AIRIM: variants seen among roughly 807,000 people sequenced by gnomAD.
The protein encoded by AIRIM is AFG2-interacting ribosome maturation factor.
chr1:37,685,535 A>C, the AIRIM span, among the ~76,000 whole-genome samples: 1 of 151,894 alleles, frequency 6.6e-6, no homozygotes, highest in African/African-American at 2.4e-5. Context: ...CTTCAGGCAC[A>C]TACCACCATG....
the AIRIM span, among the ~76,000 whole-genome samples, chr1:37,688,802 CA>C: frequency 6.6e-6 from 1 of 151,852 alleles, no homozygotes; most frequent in East Asian, 1.9e-4. Flanking sequence ...CCTATCTCTA[CA>C]AAAAATTTTA....
At chr1:37,687,110 G>GTGTGTGTA in the AIRIM span, among the ~76,000 whole-genome samples, 2 of 139,602 alleles carry the variant, frequency 1.4e-5, no homozygotes, top group African/African-American at 2.6e-5. Flanking sequence ...GTGTGTGTGT[G>GTGTGTGTA]TATAGTTTTT....
the AIRIM span, chr1:37,690,169 A>T: frequency 0.46 from 531,058 of 1,146,578 alleles, 125,887 homozygotes; most frequent in East Asian, 0.71. Context: ...GGTGCCCGCC[A>T]ACACGCCTGG....
At chr1:37,682,105 C>T in the AIRIM span, 1 of 152,122 alleles carries the variant, frequency 6.6e-6, no homozygotes, top group Non-Finnish European at 1.5e-5. Flanking sequence ...ATCAAAATAT[C>T]TCTAATGAAG....
the AIRIM span, chr1:37,683,295 C>T: frequency 1.9e-6 from 3 of 1,613,624 alleles, no homozygotes; most frequent in African/African-American, 1.3e-5. Flanking sequence ...AGAGGAGACA[C>T]AAAGGAAGAA....
At chr1:37,689,549 T>G in the AIRIM span, 1 of 1,518,942 alleles carries the variant, frequency 6.6e-7, no homozygotes, top group Non-Finnish European at 8.9e-7. Flanking sequence ...TAGCTACATA[T>G]AAAACACCTC....
the AIRIM span, among the ~76,000 whole-genome samples, chr1:37,686,873 G>A: frequency 6.6e-6 from 1 of 151,992 alleles, no homozygotes; most frequent in African/African-American, 2.4e-5. Flanking sequence ...TTTGAGACCA[G>A]CCAATGTCCC....
At chr1:37,683,309 A>C in the AIRIM span, 1 of 1,614,050 alleles carries the variant, frequency 6.2e-7, no homozygotes, top group Non-Finnish European at 8.5e-7. Context: ...GGAAGAACAC[A>C]AACCAGTACC....
the AIRIM span, among the ~76,000 whole-genome samples, chr1:37,685,007 A>T: frequency 1.1e-4 from 17 of 151,616 alleles, no homozygotes; most frequent in Admixed American, 2.0e-4. Flanking sequence ...CAAAAAAAAA[A>T]TTTTTTTGAG....
the AIRIM span, among the ~76,000 whole-genome samples, chr1:37,686,706 A>C: frequency 1.3e-5 from 2 of 152,098 alleles, no homozygotes; most frequent in Admixed American, 1.3e-4. Context: ...TCATAGAAAA[A>C]CCATCTCCAA....
At chr1:37,685,196 G>GC in the AIRIM span, among the ~76,000 whole-genome samples, 2 of 127,966 alleles carry the variant, frequency 1.6e-5, no homozygotes, top group African/African-American at 2.9e-5. Context: ...TTTTTTTGGG[G>GC]GGGGGGGGTG....
At chr1:37,688,726 C>T in the AIRIM span, among the ~76,000 whole-genome samples, 2 of 152,136 alleles carry the variant, frequency 1.3e-5, no homozygotes, top group Non-Finnish European at 2.9e-5. Context: ...GGAAAGGCCA[C>T]ACATGCCCTG....
chr1:37,684,737 A>G, the AIRIM span, among the ~76,000 whole-genome samples: 1 of 152,226 alleles, frequency 6.6e-6, no homozygotes, highest in Non-Finnish European at 1.5e-5. Flanking sequence ...CAGTTCTAAG[A>G]ACAATCCAGT....
chr1:37,685,562 A>G, the AIRIM span, among the ~76,000 whole-genome samples: 1 of 151,404 alleles, frequency 6.6e-6, no homozygotes, highest in Non-Finnish European at 1.5e-5. Context: ...TAATTTTTGT[A>G]TTTTTTGTAG....
At chr1:37,685,202 G>A in the AIRIM span, among the ~76,000 whole-genome samples, 2 of 124,110 alleles carry the variant, frequency 1.6e-5, no homozygotes, top group African/African-American at 2.9e-5. Context: ...TGGGGGGGGG[G>A]GGTGGGCGGG....
At chr1:37,686,474 T>TA in the AIRIM span, 1 of 1,606,966 alleles carries the variant, frequency 6.2e-7, no homozygotes, top group East Asian at 2.2e-5. Flanking sequence ...AGTCTGACAT[T>TA]AGGCAATATC....
At chr1:37,692,210 C>T in the AIRIM span, 1 of 175,264 alleles carries the variant, frequency 5.7e-6, no homozygotes, top group East Asian at 1.5e-4. Flanking sequence ...GGCCCCCAGC[C>T]CTCCAGAGCT....
chr1:37,689,229 T>C, the AIRIM span, among the ~76,000 whole-genome samples: 2 of 152,224 alleles, frequency 1.3e-5, no homozygotes, highest in Non-Finnish European at 1.5e-5. Flanking sequence ...GTCACAGATA[T>C]GTTGAAGAGA....
At chr1:37,686,733 A>G in the AIRIM span, among the ~76,000 whole-genome samples, 16 of 152,282 alleles carry the variant, frequency 1.1e-4, no homozygotes, top group African/African-American at 2.4e-4. Context: ...CCACTGGTCT[A>G]AGGAGATTAG....
Sources: allele counts gnomAD v4.1 joint callset (sites outside exome capture counted in the v4.1 genomes callset), GRCh38; gene constraint gnomAD v4.1.1; transcripts MANE v1.5; gene names NCBI Gene and HGNC (gene_info 2026-07-23, HGNC 2026-07-21).